The following NEGR1 variants were observed in gnomAD, a reference collection of about 807,000 sequenced individuals.
The protein encoded by NEGR1 is IgLON family member 4.
In NEGR1, 10 loss-of-function variants were observed where a neutral mutation model predicts 40.9. The observed-to-expected ratio is 0.24, with a 90% CI of 0.15 to 0.42. NEGR1 has a LOEUF of 0.42. Ranked by LOEUF, NEGR1 falls within the 10% of genes least tolerant of loss-of-function variation. The probability of loss-of-function intolerance (pLI) is 1.00; values close to 1 mark genes in which losing one functional copy is unlikely to be tolerated. For synonymous variants in NEGR1, 185 were observed against 166.8 expected (o/e 1.11, Z -0.84); for missense variants, 352 against 438.9 (o/e 0.80, Z 1.77).
At chr1:71,656,139 T>C (rs1422901350) in intron 4 of NEGR1, among the ~76,000 whole-genome samples, 3 of 152,164 alleles carry the variant, frequency 2.0e-5, no homozygotes, top group Non-Finnish European at 4.4e-5. Flanking sequence ...ATCCCAAACT[T>C]TATCCCCACA....
chr1:71,494,286 A>G (rs890225853), intron 6 of NEGR1, among the ~76,000 whole-genome samples: 1 of 152,166 alleles, frequency 6.6e-6, no homozygotes, highest in African/African-American at 2.4e-5. Context: ...GTAGGAGACT[A>G]AAGGGCAGCC....
chr1:71,623,604 A>C (rs968360677), intron 4 of NEGR1, among the ~76,000 whole-genome samples: 1 of 151,938 alleles, frequency 6.6e-6, no homozygotes, highest in Non-Finnish European at 1.5e-5. Context: ...CTATTTATGG[A>C]GAAAGAAAGC....
intron 1 of NEGR1, among the ~76,000 whole-genome samples, chr1:72,280,016 T>A (rs552684351): frequency 1.3e-5 from 2 of 152,322 alleles, no homozygotes; most frequent in East Asian, 3.9e-4. Flanking sequence ...TAAAATCTAA[T>A]TTGTTAGAAA....
At chr1:72,271,103 C>T (rs1460001275) in intron 1 of NEGR1, among the ~76,000 whole-genome samples, 3 of 151,880 alleles carry the variant, frequency 2.0e-5, no homozygotes, top group Non-Finnish European at 2.9e-5. Context: ...GCTCTGGTTA[C>T]TTCCATTCTG....
At chr1:72,030,954 T>C (rs528344326) in intron 1 of NEGR1, among the ~76,000 whole-genome samples, 1 of 152,356 alleles carries the variant, frequency 6.6e-6, no homozygotes, top group African/African-American at 2.4e-5. Flanking sequence ...GTTTTGTGCA[T>C]AGTTTCTTAA....
intron 6 of NEGR1, among the ~76,000 whole-genome samples, chr1:71,511,962 A>G (rs936627867): frequency 6.6e-6 from 1 of 152,220 alleles, no homozygotes; most frequent in Non-Finnish European, 1.5e-5. Flanking sequence ...TAGTAGAATT[A>G]TATTCTGAAA....
At chr1:71,792,965 T>C (rs1657170035) in intron 2 of NEGR1, among the ~76,000 whole-genome samples, 1 of 151,900 alleles carries the variant, frequency 6.6e-6, no homozygotes, top group Non-Finnish European at 1.5e-5. Flanking sequence ...GATTCCCAGA[T>C]AAAGTTACTT....
intron 1 of NEGR1, among the ~76,000 whole-genome samples, chr1:72,047,039 A>G (rs1027712863): frequency 6.6e-6 from 1 of 151,498 alleles, no homozygotes; most frequent in Non-Finnish European, 1.5e-5. Flanking sequence ...CCCTTTCCAT[A>G]CTTAGTATCA....
chr1:71,497,211 T>C (rs374494570), intron 6 of NEGR1, among the ~76,000 whole-genome samples: 118 of 152,300 alleles, frequency 7.7e-4, no homozygotes, highest in African/African-American at 2.7e-3. Context: ...TTTCTATTCC[T>C]GATGTTTTAA....
At chr1:71,805,115 G>C (rs765451782) in intron 2 of NEGR1, among the ~76,000 whole-genome samples, 3 of 152,024 alleles carry the variant, frequency 2.0e-5, no homozygotes, top group Non-Finnish European at 2.9e-5. Flanking sequence ...GGAAATTCCC[G>C]CATAATAAAT....
intron 2 of NEGR1, among the ~76,000 whole-genome samples, chr1:71,864,498 A>G (rs1036787835): frequency 2.6e-5 from 4 of 152,204 alleles, no homozygotes; most frequent in African/African-American, 9.6e-5. Flanking sequence ...AAGAATTGTG[A>G]CTAAAGTAAT....
At chr1:72,188,698 G>T (rs941711402) in intron 1 of NEGR1, among the ~76,000 whole-genome samples, 1 of 151,164 alleles carries the variant, frequency 6.6e-6, no homozygotes, top group African/African-American at 2.4e-5. Context: ...CATATTAAAT[G>T]GAATCATCTC....
chr1:71,739,682 T>C (rs916868884), intron 3 of NEGR1, among the ~76,000 whole-genome samples: 19 of 152,206 alleles, frequency 1.2e-4, no homozygotes, highest in African/African-American at 4.6e-4. Flanking sequence ...AATCAGGAAA[T>C]TGATTCACTC....
At chr1:72,153,119 A>C (rs1651186997) in intron 1 of NEGR1, among the ~76,000 whole-genome samples, 1 of 151,974 alleles carries the variant, frequency 6.6e-6, no homozygotes, top group South Asian at 2.1e-4. Flanking sequence ...TCTGTATCTA[A>C]AATAAAAGTT....
At chr1:71,877,745 C>T (rs1425450284) in intron 2 of NEGR1, among the ~76,000 whole-genome samples, 2 of 152,006 alleles carry the variant, frequency 1.3e-5, no homozygotes, top group African/African-American at 4.8e-5. Context: ...ATAATAAATA[C>T]ACATTATTTT....
intron 6 of NEGR1, among the ~76,000 whole-genome samples, chr1:71,564,982 G>A: frequency 6.6e-6 from 1 of 152,086 alleles, no homozygotes; most frequent in East Asian, 1.9e-4. Flanking sequence ...GAAGTTAAGA[G>A]TAACTATCAA....
intron 2 of NEGR1, among the ~76,000 whole-genome samples, chr1:71,836,461 A>C (rs960820248): frequency 1.3e-4 from 17 of 129,718 alleles, no homozygotes; most frequent in Non-Finnish European, 1.6e-5. Flanking sequence ...AAAAACAAAA[A>C]ACAACAAAAT....
At chr1:71,544,149 C>A (rs994944950) in intron 6 of NEGR1, among the ~76,000 whole-genome samples, 1 of 151,632 alleles carries the variant, frequency 6.6e-6, no homozygotes, top group African/African-American at 2.4e-5. Context: ...AATATTTCAA[C>A]TATTTGCTGA....
chr1:71,741,408 T>C (rs1655208656), intron 3 of NEGR1, among the ~76,000 whole-genome samples: 2 of 152,230 alleles, frequency 1.3e-5, no homozygotes, highest in South Asian at 4.1e-4. Flanking sequence ...TGTTTCCTCC[T>C]ATCAACCCAA....
Sources: allele counts gnomAD v4.1 joint callset (sites outside exome capture counted in the v4.1 genomes callset), GRCh38; gene constraint gnomAD v4.1.1; transcripts MANE v1.5; gene names NCBI Gene and HGNC (gene_info 2026-07-23, HGNC 2026-07-21).